TRUB1: variants seen among roughly 807,000 people sequenced by gnomAD.
The protein encoded by TRUB1 is pseudouridylate synthase TRUB1.
Under a neutral mutation model 33.9 loss-of-function variants are expected in TRUB1, and 23 were observed. The ratio of observed to expected loss-of-function variants is 0.68; its 90% CI spans 0.49 to 0.96. The LOEUF (loss-of-function observed/expected upper bound fraction) is 0.96, where lower values mean the gene tolerates loss of function less well. Ranked by LOEUF, TRUB1 falls within the 40% of genes least tolerant of loss-of-function variation. TRUB1 has a pLI of 0.00. For missense variants in TRUB1, 378 were observed against 422.2 expected, an observed-to-expected ratio of 0.90 and a Z score of 0.92; for synonymous variants, 163 against 165.4, an observed-to-expected ratio of 0.99 and a Z score of 0.11.
intron 4 of TRUB1, among the ~76,000 whole-genome samples, chr10:114,963,927 G>A (rs562608821): frequency 2.4e-4 from 36 of 152,066 alleles, no homozygotes; most frequent in Admixed American, 8.5e-4. Context: ...CATTTCTACC[G>A]TCATTTCTTT....
At chr10:114,965,944 T>C (rs1354867638) in intron 4 of TRUB1, among the ~76,000 whole-genome samples, 1 of 152,172 alleles carries the variant, frequency 6.6e-6, no homozygotes, top group African/African-American at 2.4e-5. Flanking sequence ...TCAGCCATGA[T>C]GTCCCACCAC....
At chr10:114,943,674 G>C (rs1198726048) in intron 2 of TRUB1, among the ~76,000 whole-genome samples, 3 of 152,194 alleles carry the variant, frequency 2.0e-5, no homozygotes, top group Non-Finnish European at 4.4e-5. Flanking sequence ...GAGGGAGAGA[G>C]GATAAGGAAG....
At chr10:114,970,279 T>C (rs1183718697) in intron 4 of TRUB1, 89 bp from the exon 5 acceptor site, 2 of 908,606 alleles carry the variant, frequency 2.2e-6, no homozygotes, top group African/African-American at 3.3e-5. Context: ...GAAAAAGTTT[T>C]AAATGAATTT....
intron 2 of TRUB1, among the ~76,000 whole-genome samples, chr10:114,949,146 G>C (rs939839522): frequency 6.6e-6 from 1 of 152,120 alleles, no homozygotes; most frequent in Non-Finnish European, 1.5e-5. Flanking sequence ...TGATTTTTCT[G>C]TATTTTATTT....
intron 4 of TRUB1, among the ~76,000 whole-genome samples, chr10:114,966,330 T>C (rs1251942951): frequency 1.3e-5 from 2 of 152,222 alleles, no homozygotes; most frequent in African/African-American, 2.4e-5. Flanking sequence ...GACTTTTAAT[T>C]CTATTCCATT....
chr10:114,940,528 A>G (rs574892134), intron 1 of TRUB1, among the ~76,000 whole-genome samples: 6 of 152,232 alleles, frequency 3.9e-5, no homozygotes, highest in African/African-American at 1.2e-4. Flanking sequence ...ATTGATTCCT[A>G]TTATGCTACA....
intron 4 of TRUB1, among the ~76,000 whole-genome samples, chr10:114,964,143 C>T (rs1046088260): frequency 1.3e-5 from 2 of 152,186 alleles, no homozygotes; most frequent in Non-Finnish European, 2.9e-5. Flanking sequence ...ACTTGCCCCA[C>T]ATACTTAGCT....
In TRUB1 at chr10:114,972,124, C is replaced by G; in HGVS notation, c.597-11C>G. The G allele has an allele frequency of 4.3e-6, 7 of 1,611,864 alleles. No individual in the cohort carries two copies. Among genetic ancestry groups the G allele is most frequent in the Non-Finnish European group, 5.9e-6 (7 of 1,179,296 alleles). ...CCTTTCCTTCCATTTCTCCTTCTCTCATCTCACAAGCTATTCTGCATTAAA... is the reference window on the plus strand; with the variant it reads ...CCTTTCCTTCCATTTCTCCTTCTCTGATCTCACAAGCTATTCTGCATTAAA... On this transcript the variant is annotated splice_polypyrimidine_tract_variant and intron_variant, in intron 5 of 7. Transcript: ENST00000298746.
intron 3 of TRUB1, among the ~76,000 whole-genome samples, chr10:114,952,994 C>T (rs188634275): frequency 3.6e-4 from 54 of 151,790 alleles, no homozygotes; most frequent in African/African-American, 1.0e-3. Flanking sequence ...GATATATTTA[C>T]GTTAAGGAAT....
chr10:114,959,514 C>T (rs1477991940), intron 3 of TRUB1, among the ~76,000 whole-genome samples: 1 of 152,152 alleles, frequency 6.6e-6, no homozygotes, highest in African/African-American at 2.4e-5. Context: ...TTATCTTTCT[C>T]ATATTGGCTA....
chr10:114,944,691 A>G (rs2084204077), intron 2 of TRUB1, among the ~76,000 whole-genome samples: 1 of 152,110 alleles, frequency 6.6e-6, no homozygotes, highest in Non-Finnish European at 1.5e-5. Context: ...AACATAAAAT[A>G]GAAAAAAATC....
chr10:114,966,326 T>A (rs2084309038), intron 4 of TRUB1, among the ~76,000 whole-genome samples: 1 of 152,230 alleles, frequency 6.6e-6, no homozygotes, highest in African/African-American at 2.4e-5. Flanking sequence ...TTGAGACTTT[T>A]AATTCTATTC....
intron 4 of TRUB1, among the ~76,000 whole-genome samples, chr10:114,967,587 C>T (rs61156418): frequency 0.085 from 12,944 of 152,138 alleles, 992 homozygotes; most frequent in African/African-American, 0.2. Context: ...CAAATGAATG[C>T]TGTCACATTG....
At position 114,938,351 on chromosome 10, in the gene TRUB1, C is replaced by T. The variant is rs1341908622; in HGVS notation, c.98C>T (p.Ala33Val). The change falls in exon 1 of 8, where the codon GCG becomes GTG. Residue 33 changes from alanine to valine, a missense_variant. Coordinates refer to ENST00000298746, the MANE Select transcript of TRUB1 (RefSeq NM_139169.5). Reference sequence around the variant, plus strand: ...GCAGGAACGGTCGCAGCAATGGCTGCGACCCCGTCAGCAAGGGCTGCAGCC... The same window carrying T: ...GCAGGAACGGTCGCAGCAATGGCTGTGACCCCGTCAGCAAGGGCTGCAGCC... ...ETAGTVAAMA[A>V]TPSARAAAAV... The T allele has an allele frequency of 6.2e-7, 1 of 1,600,864 alleles. No individual in the cohort carries two copies.
At chr10:114,956,662 A>G (rs1564699427) in intron 3 of TRUB1, among the ~76,000 whole-genome samples, 1 of 152,036 alleles carries the variant, frequency 6.6e-6, no homozygotes, top group Non-Finnish European at 1.5e-5. Context: ...AATTGAAACT[A>G]TTTTCATAGT....
At chr10:114,943,210 T>A (rs993091262) in intron 2 of TRUB1, among the ~76,000 whole-genome samples, 1 of 152,158 alleles carries the variant, frequency 6.6e-6, no homozygotes, top group Non-Finnish European at 1.5e-5. Context: ...GGTGCCTGAG[T>A]GATCATCCTG....
intron 3 of TRUB1, among the ~76,000 whole-genome samples, chr10:114,953,417 A>G (rs888792638): frequency 2.6e-5 from 4 of 152,202 alleles, no homozygotes; most frequent in Middle Eastern, 3.2e-3. Context: ...AATCATTAAG[A>G]GTTTAATGTT....
At chr10:114,958,719 A>G (rs116698928) in intron 3 of TRUB1, among the ~76,000 whole-genome samples, 398 of 152,366 alleles carry the variant, frequency 2.6e-3, no homozygotes, top group African/African-American at 8.8e-3. Flanking sequence ...TCCTAAGATG[A>G]GAAATAAGAC....
chr10:114,941,446 T>G (rs1005925253), intron 1 of TRUB1, among the ~76,000 whole-genome samples: 15 of 152,110 alleles, frequency 9.9e-5, no homozygotes, highest in African/African-American at 3.6e-4. Context: ...CAAGCAGTCC[T>G]CTCACCTAAG....
Sources: allele counts gnomAD v4.1 joint callset (sites outside exome capture counted in the v4.1 genomes callset), GRCh38; gene constraint gnomAD v4.1.1; transcripts MANE v1.5; gene names NCBI Gene and HGNC (gene_info 2026-07-23, HGNC 2026-07-21).